Variants in LARS2 observed in about 807,000 individuals in gnomAD.
The protein encoded by LARS2 is leucine--tRNA ligase, mitochondrial.
In LARS2, 81 loss-of-function variants were observed where a neutral mutation model predicts 116.6. That is an observed-to-expected ratio of 0.69 (90% CI 0.58 to 0.84). LARS2 has a LOEUF of 0.84. Ranked by LOEUF, LARS2 falls within the 40% of genes least tolerant of loss-of-function variation. LARS2 has a pLI of 0.00. For missense variants in LARS2, 968 were observed against 1,114.5 expected (o/e 0.87, Z 1.87); for synonymous variants, 396 against 407.2 (o/e 0.97, Z 0.33).
At chr3:45,390,234 T>C (rs1359478012) in intron 1 of LARS2, among the ~76,000 whole-genome samples, 1 of 152,258 alleles carries the variant, frequency 6.6e-6, no homozygotes, top group Non-Finnish European at 1.5e-5. Context: ...ATCTTTTTCA[T>C]ATTAACTATA....
intron 6 of LARS2, among the ~76,000 whole-genome samples, chr3:45,433,409 T>G (rs1028420858): frequency 5.3e-5 from 8 of 152,114 alleles, no homozygotes; most frequent in African/African-American, 1.4e-4. Flanking sequence ...TAGTATCCCA[T>G]TGGGTAGCTT....
chr3:45,439,210 CTTTTTTTTTTTTT>C (rs575140221), intron 6 of LARS2, among the ~76,000 whole-genome samples: 9 of 62,442 alleles, frequency 1.4e-4, no homozygotes, highest in Non-Finnish European at 2.2e-4. Context: ...GAAACTCTGG[CTTTTTTTTTTTTT>C]TTTTTTTTTT....
At chr3:45,481,164 T>G (rs1358761941) in intron 10 of LARS2, among the ~76,000 whole-genome samples, 2 of 152,238 alleles carry the variant, frequency 1.3e-5, no homozygotes, top group East Asian at 3.8e-4. Context: ...GTCATCTTAT[T>G]GTCTGGCTCC....
chr3:45,515,825 T>A (rs1700361955), intron 16 of LARS2, among the ~76,000 whole-genome samples: 1 of 152,270 alleles, frequency 6.6e-6, no homozygotes, highest in South Asian at 2.1e-4. Flanking sequence ...GGAAATTGTT[T>A]TGTTTTATAG....
chr3:45,480,368 G>A (rs1034522840), intron 10 of LARS2, among the ~76,000 whole-genome samples: 2 of 152,340 alleles, frequency 1.3e-5, no homozygotes, highest in East Asian at 1.9e-4. Context: ...ATGGACTGCC[G>A]CCTTGGTGAA....
At chr3:45,399,917 A>G (rs970785309) in intron 3 of LARS2, among the ~76,000 whole-genome samples, 1 of 152,142 alleles carries the variant, frequency 6.6e-6, no homozygotes, top group African/African-American at 2.4e-5. Context: ...CATTTAGAAT[A>G]ATAGTCTCCA....
At chr3:45,513,017 C>T (rs1391871792) in intron 15 of LARS2, 118 bp from the exon 16 acceptor site, 2 of 728,312 alleles carry the variant, frequency 2.7e-6, no homozygotes, top group South Asian at 1.5e-5. Flanking sequence ...TTGGTCAGCC[C>T]GCCTGCTTTT....
intron 20 of LARS2, 35 bp from the exon 21 acceptor site, chr3:45,541,794 G>C (rs779509042): frequency 1.2e-6 from 2 of 1,611,996 alleles, no homozygotes; most frequent in African/African-American, 2.7e-5. Flanking sequence ...CCTGTTCTTA[G>C]AGTGACCCCA....
chr3:45,474,619 AT>A (rs1211108241), intron 9 of LARS2, among the ~76,000 whole-genome samples: 1 of 152,198 alleles, frequency 6.6e-6, no homozygotes, highest in African/African-American at 2.4e-5. Context: ...AAGAGTTTAC[AT>A]TTTAGTACAG....
At chr3:45,451,192 G>A (rs1489273297) in intron 7 of LARS2, among the ~76,000 whole-genome samples, 1 of 151,834 alleles carries the variant, frequency 6.6e-6, no homozygotes, top group Non-Finnish European at 1.5e-5. Flanking sequence ...CTGTGCAGAA[G>A]CTTTTTTGCT....
chr3:45,495,923 G>A (rs568118887), intron 13 of LARS2, among the ~76,000 whole-genome samples: 1 of 151,548 alleles, frequency 6.6e-6, no homozygotes, highest in African/African-American at 2.4e-5. Context: ...GCAATGGCAC[G>A]ATCTTGGCTC....
intron 20 of LARS2, 97 bp from the exon 21 acceptor site, chr3:45,541,732 C>T: frequency 1.3e-6 from 2 of 1,496,286 alleles, no homozygotes; most frequent in African/African-American, 1.4e-5. Flanking sequence ...TCACACAGCT[C>T]CAAGCCAGGC....
chr3:45,518,046 G>A lies in LARS2; in HGVS notation c.2188G>A (p.Glu730Lys), dbSNP rs1165166420. 6.2e-7 allele frequency: 1 copy of A among 1,613,576 alleles called. No individual in the cohort carries two copies. Among genetic ancestry groups the A allele is most frequent in the African/African-American group, 1.3e-5 (1 of 74,972 alleles). The change falls in exon 18 of 22, where the codon GAG becomes AAG. Residue 730 changes from glutamate to lysine, a missense_variant. Glu to Lys is a moderately conservative substitution (Grantham distance 56). Transcript: ENST00000645846. Reference sequence around the variant, plus strand: ...GAAAGCTGAGGCCAGGAAGCTCTGGGAGTACAAGAACTCCGTCATCTCTCA... The same window carrying A: ...GAAAGCTGAGGCCAGGAAGCTCTGGAAGTACAAGAACTCCGTCATCTCTCA... The part of the protein sequence containing the change: ...KEKAEARKLW[E>K]YKNSVISQVT...
At chr3:45,505,591 T>C (rs1207832847) in intron 15 of LARS2, among the ~76,000 whole-genome samples, 1 of 151,800 alleles carries the variant, frequency 6.6e-6, no homozygotes, top group East Asian at 1.9e-4. Context: ...CTTGGGAGTC[T>C]GAGGCAGCAG....
intron 6 of LARS2, among the ~76,000 whole-genome samples, chr3:45,443,448 G>C (rs1305363479): frequency 6.6e-6 from 1 of 152,226 alleles, no homozygotes. Flanking sequence ...GTATTTCTAA[G>C]TGGTGTCTGT....
At chr3:45,465,507 C>A (rs574432885) in intron 8 of LARS2, among the ~76,000 whole-genome samples, 1 of 152,320 alleles carries the variant, frequency 6.6e-6, no homozygotes, top group South Asian at 2.1e-4. Flanking sequence ...TTGAGGCTGG[C>A]TTTTCCCTGT....
intron 6 of LARS2, among the ~76,000 whole-genome samples, chr3:45,430,099 C>T (rs1698670242): frequency 7.5e-6 from 1 of 133,460 alleles, no homozygotes; most frequent in Non-Finnish European, 1.6e-5. Context: ...GCAAGCTTGG[C>T]CTCCTGGGAC....
Position 45,403,308 on chromosome 3 carries a change from A to G in LARS2, c.363+2935A>G, listed in dbSNP as rs890217833. On this transcript the variant is annotated intron_variant, in intron 4 of 21. Transcript: ENST00000645846. ...AGTGAGTGCAGGCAAATTGCCTACA[A>G]TTAAGCTTTTTTTTGTTTGTTTTTT... Among the ~76,000 whole-genome samples, 5 of 151,806 alleles carry G rather than the reference A, an allele frequency of 3.3e-5. No individual in the cohort carries two copies. In the East Asian group the frequency reaches 9.7e-4, roughly 30 times the overall value.
intron 3 of LARS2, among the ~76,000 whole-genome samples, chr3:45,399,204 T>G (rs1396413954): frequency 6.6e-6 from 1 of 152,180 alleles, no homozygotes; most frequent in East Asian, 1.9e-4. Flanking sequence ...TCAACATTTT[T>G]GTTGAAAGAT....
Sources: allele counts gnomAD v4.1 joint callset (sites outside exome capture counted in the v4.1 genomes callset), GRCh38; gene constraint gnomAD v4.1.1; transcripts MANE v1.5; gene names NCBI Gene and HGNC (gene_info 2026-07-23, HGNC 2026-07-21).